The following ASCC2 variants were observed in gnomAD, a reference collection of about 807,000 sequenced individuals.
ASCC2 encodes activating signal cointegrator 1 complex subunit 2, also known as ASC-1 complex subunit P100.
A neutral mutation model predicts 93.5 loss-of-function variants in ASCC2; 42 were observed. That is an observed-to-expected ratio of 0.45 (90% CI 0.35 to 0.58). The LOEUF is 0.58. ASCC2 is among the 20% of genes least tolerant of loss of function. The pLI is 0.00. For missense variants in ASCC2, 859 were observed against 977.6 expected (o/e 0.88, Z 1.62); for synonymous variants, 364 against 384.2 (o/e 0.95, Z 0.62).
intron 18 of ASCC2, 118 bp downstream of exon 18, chr22:29,792,315 C>T: frequency 6.6e-7 from 1 of 1,523,100 alleles, no homozygotes. Context: ...CTCCTCCTGT[C>T]CCTGCCAGTG....
At position 29,807,748 on chromosome 22, in the gene ASCC2, A is replaced by C. The variant is rs973093566; in HGVS notation, c.908+363T>G. 8.5e-5 allele frequency among the ~76,000 whole-genome samples: 13 copies of C among 152,210 alleles called. No individual in the cohort carries two copies. The East Asian group carries it at 2.5e-3, about 29-fold the overall frequency. On this transcript the variant is annotated intron_variant, in intron 9 of 19. Transcript: ENST00000307790. Reference sequence around the variant, plus strand: ...ACACGTCAAAACCCCATCTCTACAAAAAATACAAAAATTAGCCAGGTGTGG... The same window carrying C: ...ACACGTCAAAACCCCATCTCTACAACAAATACAAAAATTAGCCAGGTGTGG...
At position 29,791,976 on chromosome 22, in the gene ASCC2, C is replaced by T. The variant is rs144485678; in HGVS notation, c.2022+457G>A. Among the ~76,000 whole-genome samples the T allele has an allele frequency of 9.4e-4, 143 of 152,280 alleles. 1 individual carries two copies. In the East Asian group the frequency reaches 0.026, roughly 28 times the overall value. On this transcript the variant is annotated intron_variant, in intron 18 of 19. Coordinates refer to ENST00000307790, the MANE Select transcript of ASCC2 (RefSeq NM_032204.5). ...CTGCCCTGTCACCTGAGCAGTACCGCGTTTATCTGTTCTGTACGTTGAGGT... is the reference window on the plus strand; with the variant it reads ...CTGCCCTGTCACCTGAGCAGTACCGTGTTTATCTGTTCTGTACGTTGAGGT...
chr22:29,835,225 C>G (rs2063626757), intron 1 of ASCC2, among the ~76,000 whole-genome samples: 1 of 151,974 alleles, frequency 6.6e-6, no homozygotes, highest in African/African-American at 2.4e-5. Flanking sequence ...AGTGAGACCC[C>G]CATCTCTACA....
intron 9 of ASCC2, 59 bp from the exon 10 acceptor site, chr22:29,806,963 G>A: frequency 2.9e-6 from 4 of 1,362,796 alleles, no homozygotes; most frequent in Non-Finnish European, 4.1e-6. Flanking sequence ...GAGGGGCCAG[G>A]TGCAGTGGTT....
rs1395063695 is a variant in ASCC2 at position 29,788,717 on chromosome 22, T to G, written c.*296A>C. On this transcript the variant is annotated 3_prime_UTR_variant, in exon 20 of 20. Coordinates refer to ENST00000307790, the MANE Select transcript of ASCC2 (RefSeq NM_032204.5). ...AAGTGGTGTCTTGTGGCCCGAGGTT[T>G]GGGGCGCTTGCCTTGGGACTCCATC... The G allele has an allele frequency of 2.2e-6, 1 of 449,184 alleles. No homozygotes were observed. Among genetic ancestry groups the G allele is most frequent in the Non-Finnish European group, 4.1e-6 (1 of 245,492 alleles). The allele number at this position is 449,184 out of a possible 1,614,324, so 27.8% of individuals were successfully genotyped here. A position where few individuals can be genotyped will look rare whatever the true frequency, so the allele number is the denominator to read the frequency against.
rs774057725 is a variant in ASCC2, at chr22:29,790,569, C to A, written c.2023-21G>T. 3.1e-6 allele frequency: 5 copies of A among 1,611,588 alleles called. No individual in the cohort carries two copies. The African/African-American group carries it at 6.7e-5, about 22-fold the overall frequency. On this transcript the variant is annotated intron_variant, in intron 18 of 19. Transcript: ENST00000307790. ...TCGGGCTGTGGAAAGGAGAGGAGAC[C>A]AAATCTGGAGTCAGGAGCTGCCACA... is the stretch of plus-strand genomic sequence containing the variant.
In ASCC2 at chr22:29,814,739, C is replaced by T; in HGVS notation, c.638G>A (p.Gly213Asp). 1 of 1,609,956 alleles carries T rather than the reference C, an allele frequency of 6.2e-7. No individual in the cohort carries two copies. Among genetic ancestry groups the T allele is most frequent in the Admixed American group, 1.7e-5 (1 of 59,476 alleles). The change falls in exon 7 of 20, where the codon GGT becomes GAT. Residue 213 changes from glycine (G) to aspartate (D), a missense_variant. By Grantham distance (94) the Gly-to-Asp change is moderately conservative. Transcript: ENST00000307790. Reference sequence around the variant, plus strand: ...GGTATTGGCCCCGTCCCCTTGCAAACCACAGTGCTGGAGGATATTGCTGAA... The same window carrying T: ...GGTATTGGCCCCGTCCCCTTGCAAATCACAGTGCTGGAGGATATTGCTGAA... ...QVFSNILQHC[G>D]LQGDGANTTP... is the part of the protein sequence containing the mutation.
intron 13 of ASCC2, among the ~76,000 whole-genome samples, 168 bp downstream of exon 13, chr22:29,804,470 C>T (rs563756817): frequency 6.6e-6 from 1 of 152,308 alleles, no homozygotes; most frequent in African/African-American, 2.4e-5. Context: ...GCTTGGGACC[C>T]TCTAAAGGCA....
chr22:29,793,134 A>G (rs573129761), intron 17 of ASCC2, among the ~76,000 whole-genome samples: 1 of 152,326 alleles, frequency 6.6e-6, no homozygotes, highest in Admixed American at 6.5e-5. Flanking sequence ...CCTGGGCGAC[A>G]GAGTGAAACT....
intron 18 of ASCC2, among the ~76,000 whole-genome samples, chr22:29,791,395 G>C (rs1449954786): frequency 6.6e-6 from 1 of 151,360 alleles, no homozygotes; most frequent in Non-Finnish European, 1.5e-5. Flanking sequence ...AGAAGAAGAA[G>C]AAGGCTGGGT....
chr22:29,819,082 C>G (rs1405710046), intron 5 of ASCC2, among the ~76,000 whole-genome samples: 7 of 152,220 alleles, frequency 4.6e-5, no homozygotes, highest in Non-Finnish European at 5.9e-5. Context: ...GGTCTCATCA[C>G]AGTAAGAGCT....
Position 29,788,844 on chromosome 22 carries a change from C to T in ASCC2, c.*169G>A, listed in dbSNP as rs1187800978. The T allele has an allele frequency of 1.3e-5, 10 of 760,270 alleles. No individual in the cohort carries two copies. Among genetic ancestry groups the T allele is most frequent in the South Asian group, 3.5e-5 (2 of 57,032 alleles). 47.1% of individuals were successfully genotyped at this position (760,270 alleles called of 1,614,324 possible). ...AGGCACTGTGTGTTCTGCAGGAAGG[C>T]GCTCATGGCTGGCTGGTAGATGAGA... On this transcript the variant is annotated 3_prime_UTR_variant, in exon 20 of 20. Coordinates refer to ENST00000307790, the MANE Select transcript of ASCC2 (RefSeq NM_032204.5).
intron 1 of ASCC2, chr22:29,834,612 G>T (rs959866217): frequency 8.5e-6 from 4 of 469,190 alleles, no homozygotes; most frequent in African/African-American, 4.0e-5. Flanking sequence ...TCATCTTTCA[G>T]CTTTGCAAAG....
chr22:29,818,701 CAGTA>C (rs1244631297), intron 5 of ASCC2, among the ~76,000 whole-genome samples: 2 of 152,128 alleles, frequency 1.3e-5, no homozygotes, highest in Non-Finnish European at 2.9e-5. Context: ...GGAGCCCAGG[CAGTA>C]AGTGAGTAGG....
In ASCC2 at chr22:29,800,999, C is replaced by T; in HGVS notation, c.1680G>A (p.Lys560=). Residue 560 remains lysine (K), a synonymous_variant, in exon 15 of 20, where the codon AAG becomes AAA. Coordinates refer to ENST00000307790, the MANE Select transcript of ASCC2 (RefSeq NM_032204.5). ...TGGCCCACTGCACTCACCTCTTGCCCTTGTGCACCCGGCTCAGGTCTACTG... is the reference window on the plus strand; with the variant it reads ...TGGCCCACTGCACTCACCTCTTGCCTTTGTGCACCCGGCTCAGGTCTACTG... The part of the protein sequence containing the change: ...RDSVDLSRVH[K]GKSTRKEENT... The T allele has an allele frequency of 6.3e-7, 1 of 1,596,260 alleles. No homozygotes were observed. The highest frequency in any genetic ancestry group is 8.6e-7 in the Non-Finnish European group (1 of 1,165,922).
chr22:29,814,733 T>C lies in ASCC2; in HGVS notation c.644A>G (p.Gln215Arg), dbSNP rs1181646984. The C allele has an allele frequency of 1.2e-6, 2 of 1,609,898 alleles. No individual in the cohort carries two copies. Among genetic ancestry groups the C allele is most frequent in the Non-Finnish European group, 1.7e-6 (2 of 1,178,280 alleles). The change falls in exon 7 of 20, where the codon CAA becomes CGA. Residue 215 changes from glutamine (Q) to arginine (R), a missense_variant. Coordinates refer to ENST00000307790, the MANE Select transcript of ASCC2 (RefSeq NM_032204.5). ...GGGTGTGGTATTGGCCCCGTCCCCT[T>C]GCAAACCACAGTGCTGGAGGATATT... ...FSNILQHCGL[Q>R]GDGANTTPQK... is the part of the protein sequence containing the mutation.
intron 5 of ASCC2, chr22:29,821,976 G>A (rs1267772166): frequency 6.7e-6 from 3 of 446,756 alleles, no homozygotes; most frequent in Admixed American, 2.5e-5. Context: ...TCTTGCCTGA[G>A]TGACAGAGCA....
At chr22:29,827,941 T>C (rs2062650317) in intron 2 of ASCC2, among the ~76,000 whole-genome samples, 1 of 96,236 alleles carries the variant, frequency 1.0e-5, no homozygotes. Context: ...AGGCTACTCA[T>C]TCTTCTGACA....
intron 1 of ASCC2, among the ~76,000 whole-genome samples, chr22:29,835,890 G>C (rs2063721385): frequency 6.6e-6 from 1 of 152,140 alleles, no homozygotes; most frequent in Non-Finnish European, 1.5e-5. Flanking sequence ...GTATAGTAGA[G>C]AAAGGAAGGA....
Sources: allele counts gnomAD v4.1 joint callset (sites outside exome capture counted in the v4.1 genomes callset), GRCh38; gene constraint gnomAD v4.1.1; transcripts MANE v1.5; gene names NCBI Gene and HGNC (gene_info 2026-07-23, HGNC 2026-07-21).